FOXP3: variants seen among roughly 807,000 people sequenced by gnomAD.
The protein encoded by FOXP3 is forkhead box protein P3.
A neutral mutation model predicts 31.2 loss-of-function variants in FOXP3; 5 were observed. The observed-to-expected ratio is 0.16, with a 90% CI of 0.08 to 0.34. The LOEUF is 0.34. Ranked by LOEUF, FOXP3 falls within the 10% of genes least tolerant of loss-of-function variation. FOXP3 has a pLI of 1.00. For missense variants in FOXP3, 251 were observed against 363.0 expected, an observed-to-expected ratio of 0.69 and a Z score of 2.51; for synonymous variants, 141 against 148.8, an observed-to-expected ratio of 0.95 and a Z score of 0.38.
chrX:49,252,991 G>A, intron 10 of FOXP3, 135 bp downstream of exon 10: 1 of 533,768 alleles, frequency 1.9e-6, no homozygotes, highest in South Asian at 2.9e-5. Context: ...GCACGGCTTG[G>A]GGATCCTTGG....
chrX:49,261,053 G>A (rs1257233748), intron 1 of FOXP3, among the ~76,000 whole-genome samples: 3 of 112,494 alleles, frequency 2.7e-5, no homozygotes, highest in Middle Eastern at 4.6e-3. Flanking sequence ...AGAGTGCCAG[G>A]CAGGCTCCAC....
intron 9 of FOXP3, 51 bp downstream of exon 9, chrX:49,253,866 T>C: frequency 8.3e-7 from 1 of 1,203,462 alleles, no homozygotes; most frequent in Middle Eastern, 2.3e-4. Flanking sequence ...ACCCAGAGCC[T>C]GTCAGGATTA....
At position 49,250,573 on chromosome X, in the gene FOXP3, C is replaced by T. The variant is rs1183635032; in HGVS notation, c.*761G>A. 1.0e-4 allele frequency: 39 copies of T among 391,324 alleles called. No homozygotes were observed. The Admixed American group carries it at 1.3e-3, about 13-fold the overall frequency. The allele number at this position is 391,324 out of a possible 1,213,427, so 32.2% of individuals were successfully genotyped here. On this transcript the variant is annotated 3_prime_UTR_variant, in exon 12 of 12. Coordinates refer to ENST00000376207, the MANE Select transcript of FOXP3 (RefSeq NM_014009.4). ...CAGGGAATGGGAGTGAGGTGAGTGG[C>T]AGGGGAGACACGGGGTATTTTTGGC...
chrX:49,256,673 G>A, intron 6 of FOXP3, 78 bp downstream of exon 6: 1 of 854,384 alleles, frequency 1.2e-6, no homozygotes, highest in South Asian at 2.0e-5. Context: ...TTGGGATGAA[G>A]CCTGAGCTGA....
At chrX:49,257,143 C>T in intron 4 of FOXP3, 131 bp from the exon 5 acceptor site, 1 of 599,337 alleles carries the variant, frequency 1.7e-6, no homozygotes, top group Non-Finnish European at 2.6e-6. Flanking sequence ...GCTCTGCTGT[C>T]CCCAAAGTCC....
chrX:49,257,024 G>T lies in FOXP3; in HGVS notation c.455-12C>A, dbSNP rs367649279. The T allele has an allele frequency of 5.9e-6, 7 of 1,189,583 alleles. No homozygotes were observed. Among genetic ancestry groups the T allele is most frequent in the Admixed American group, 2.2e-5 (1 of 45,606 alleles). ...GGCCACGTTGATCCCTGTGGGTGGG[G>T]ACAGGGCACCTATGGAGGCTGTGGG... is the stretch of plus-strand genomic sequence containing the variant. On this transcript the variant is annotated splice_polypyrimidine_tract_variant and intron_variant, in intron 4 of 11. Transcript: ENST00000376207.
At position 49,258,372 on chromosome X, in the gene FOXP3, A is replaced by G; in HGVS notation, c.134T>C (p.Phe45Ser). ...CCCGCCTCGAAGATCTCGGCCCTGG[A>G]AGGTTCCCCCTGGGCCCCGGGCCCC... is the stretch of plus-strand genomic sequence containing the variant. ...LLGARGPGGT[F>S]QGRDLRGGAH... Residue 45 changes from phenylalanine to serine, a missense_variant, in exon 2 of 12, where the codon TTC becomes TCC. Phe to Ser is a radical substitution (Grantham distance 155, BLOSUM62 -2). This residue lies in a region of FOXP3 where 152 missense variants were observed against 188.1 expected (regional missense o/e 0.81). Coordinates refer to ENST00000376207, the MANE Select transcript of FOXP3 (RefSeq NM_014009.4). 1 of 1,167,199 alleles carries G rather than the reference A, an allele frequency of 8.6e-7. No homozygotes were observed. Among genetic ancestry groups the G allele is most frequent in the Non-Finnish European group, 1.1e-6 (1 of 872,129 alleles).
In FOXP3 at chrX:49,257,139, C is replaced by G. The variant is rs1188735308; in HGVS notation, c.455-127G>C. On this transcript the variant is annotated intron_variant, in intron 4 of 11. Coordinates refer to ENST00000376207, the MANE Select transcript of FOXP3 (RefSeq NM_014009.4). ...AAACCCTGACTCCCAGGGGGCTCTGCTGTCCCCAAAGTCCCAGGCTTCTGG... is the reference window on the plus strand; with the variant it reads ...AAACCCTGACTCCCAGGGGGCTCTGGTGTCCCCAAAGTCCCAGGCTTCTGG... The G allele has an allele frequency of 4.8e-6, 3 of 620,409 alleles. No individual in the cohort carries two copies. The African/African-American group carries it at 6.8e-5, about 14-fold the overall frequency. The allele number at this position is 620,409 out of a possible 1,213,427, so 51.1% of individuals were successfully genotyped here. A position where few individuals can be genotyped will look rare whatever the true frequency, so the allele number is the denominator to read the frequency against.
Position 49,257,438 on chromosome X carries a change from C to T in FOXP3, c.443G>A (p.Gly148Asp), listed in dbSNP as rs782776637. Reference protein sequence around the residue: ...TGVFSLKARPGLPPGINVASL... With the variant: ...TGVFSLKARPDLPPGINVASL... ...GGCTGAGGTGTTACCAGGTGGGAGG[C>T]CAGGCCGGGCCTTGAGGGAGAAGAC... is the stretch of plus-strand genomic sequence containing the variant. Residue 148 changes from glycine to aspartate, a missense_variant, in exon 4 of 12, where the codon GGC becomes GAC. This residue lies in a region of FOXP3 where 152 missense variants were observed against 188.1 expected (regional missense o/e 0.81). Transcript: ENST00000376207. 2 of 1,139,796 alleles carry T rather than the reference C, an allele frequency of 1.8e-6. No homozygotes were observed. The highest frequency in any genetic ancestry group is 2.9e-5 in the Admixed American group (1 of 34,362). 93.9% of individuals were successfully genotyped at this position (1,139,796 alleles called of 1,213,427 possible).
rs782124230 is a variant in FOXP3 at position 49,257,549 on chromosome X, G to T, written c.332C>A (p.Ala111Asp). 1.7e-6 allele frequency: 2 copies of T among 1,183,444 alleles called. No individual in the cohort carries two copies. The highest frequency in any genetic ancestry group is 2.3e-6 in the Non-Finnish European group (2 of 877,887). ...CTGCAGCACAGGGGTCCGGGCGTGG[G>T]CATCCACCGTTGAGAGCTGGGGGGC... ...HFMHQLSTVD[A>D]HARTPVLQVH... Residue 111 changes from alanine to aspartate, a missense_variant, in exon 4 of 12, where the codon GCC becomes GAC. By Grantham distance (126) the Ala-to-Asp change is moderately radical. Coordinates refer to ENST00000376207, the MANE Select transcript of FOXP3 (RefSeq NM_014009.4).
At chrX:49,252,369 G>A (rs1035427805) in intron 10 of FOXP3, among the ~76,000 whole-genome samples, 2 of 110,667 alleles carry the variant, frequency 1.8e-5, no homozygotes, top group Non-Finnish European at 1.9e-5. Context: ...TGTGGGGTTC[G>A]GTGTGGAGTG....
intron 6 of FOXP3, among the ~76,000 whole-genome samples, chrX:49,256,220 A>G (rs12395043): frequency 5.4e-4 from 36 of 67,012 alleles, no homozygotes; most frequent in East Asian, 1.0e-3. Flanking sequence ...GAGAGAGAGA[A>G]AGAGAGAGAG....
chrX:49,257,900 G>A lies in FOXP3; in HGVS notation c.211-132C>T, dbSNP rs1557116642. 61 of 527,477 alleles carry A rather than the reference G, an allele frequency of 1.2e-4. 1 individual carries two copies. The highest frequency in any genetic ancestry group is 6.1e-5 in the South Asian group (2 of 32,941). 43.5% of individuals were successfully genotyped at this position (527,477 alleles called of 1,213,427 possible). On this transcript the variant is annotated intron_variant, in intron 2 of 11. Coordinates refer to ENST00000376207, the MANE Select transcript of FOXP3 (RefSeq NM_014009.4). ...CCCCTTTTACACGTATGGAAACTGAGGCTCATGGAGATCGAGTAACTTTTT... is the reference window on the plus strand; with the variant it reads ...CCCCTTTTACACGTATGGAAACTGAAGCTCATGGAGATCGAGTAACTTTTT...
At chrX:49,253,421 G>A (rs1429071539) in intron 9 of FOXP3, among the ~76,000 whole-genome samples, 3 of 112,888 alleles carry the variant, frequency 2.7e-5, no homozygotes, top group Non-Finnish European at 5.6e-5. Context: ...GAAAAGAAGC[G>A]GAGTAACTTG....
chrX:49,260,718 T>C (rs138545811), intron 1 of FOXP3, among the ~76,000 whole-genome samples: 176 of 112,780 alleles, frequency 1.6e-3, no homozygotes, highest in South Asian at 9.0e-3. Flanking sequence ...GGGACACAGA[T>C]TATGTTTTCA....
chrX:49,255,921 C>T, intron 6 of FOXP3, 119 bp from the exon 7 acceptor site: 1 of 593,406 alleles, frequency 1.7e-6, no homozygotes, highest in South Asian at 2.4e-5. Flanking sequence ...AGCTCCCCTC[C>T]CCTCTCTACC....
At chrX:49,258,938 C>T (rs1557116847) in intron 1 of FOXP3, among the ~76,000 whole-genome samples, 2 of 112,440 alleles carry the variant, frequency 1.8e-5, no homozygotes, top group African/African-American at 6.5e-5. Flanking sequence ...CGGACTTTCT[C>T]CTCGGAGTCC....
chrX:49,254,973 G>A (rs1179540781), intron 8 of FOXP3, among the ~76,000 whole-genome samples: 2 of 104,566 alleles, frequency 1.9e-5, no homozygotes, highest in African/African-American at 7.1e-5. Flanking sequence ...TCTTGAGACG[G>A]AGTCTTGATC....
chrX:49,254,886 T>TATTTG (rs1426024087), intron 8 of FOXP3, among the ~76,000 whole-genome samples: 1 of 111,181 alleles, frequency 9.0e-6, no homozygotes, highest in African/African-American at 3.3e-5. Context: ...CAAGTCTGGC[T>TATTTG]ATTTGCATTT....
Sources: gnomAD v4.1 joint callset for allele counts (sites outside exome capture counted in the v4.1 genomes callset) on GRCh38, gnomAD v4.1.1 for gene constraint, gnomAD v4.1.1 regional missense constraint, MANE v1.5 for transcripts, NCBI Gene and HGNC (gene_info 2026-07-23, HGNC 2026-07-21) for gene names.